The following ARID1B variants were observed in gnomAD, a reference collection of about 807,000 sequenced individuals.
ARID1B encodes AT-rich interactive domain-containing protein 1B.
A neutral mutation model predicts 212.3 loss-of-function variants in ARID1B; 30 were observed. The ratio of observed to expected loss-of-function variants is 0.14; its 90% confidence interval spans 0.11 to 0.19. The LOEUF (loss-of-function observed/expected upper bound fraction) is 0.19, where lower values mean the gene tolerates loss of function less well. ARID1B is among the 10% of genes least tolerant of loss of function. ARID1B has a pLI of 1.00. For missense variants in ARID1B, 2,891 were observed against 3,204.0 expected, an observed-to-expected ratio of 0.90 and a Z score of 2.36; for synonymous variants, 1,402 against 1,301.7, an observed-to-expected ratio of 1.08 and a Z score of -1.66.
chr6:157,040,852 C>G (rs1231875409), intron 4 of ARID1B, among the ~76,000 whole-genome samples: 1 of 152,218 alleles, frequency 6.6e-6, no homozygotes, highest in Non-Finnish European at 1.5e-5. Flanking sequence ...ATTTGAAATG[C>G]TGAAGCTGTT....
At chr6:157,199,643 T>C (rs1199175455) in intron 17 of ARID1B, among the ~76,000 whole-genome samples, 1 of 151,264 alleles carries the variant, frequency 6.6e-6, no homozygotes, top group Non-Finnish European at 1.5e-5. Context: ...ATTTATTTAA[T>C]TTTGCTGGAG....
intron 3 of ARID1B, among the ~76,000 whole-genome samples, chr6:156,907,977 C>T (rs1789547239): frequency 6.7e-6 from 1 of 148,970 alleles, no homozygotes; most frequent in South Asian, 2.1e-4. Context: ...GTGTTGTTAT[C>T]TGTTCTCTGA....
chr6:157,017,947 T>G (rs1201923770), intron 4 of ARID1B, among the ~76,000 whole-genome samples: 5 of 125,890 alleles, frequency 4.0e-5, no homozygotes, highest in Admixed American at 1.9e-4. Context: ...CTGGGCAACA[T>G]GAGACACCAT....
chr6:157,201,407 G>A lies in ARID1B; in HGVS notation c.5182G>A (p.Glu1728Lys), dbSNP rs976192470. 1.9e-6 allele frequency: 3 copies of A among 1,583,906 alleles called. No homozygotes were observed. Among genetic ancestry groups the A allele is most frequent in the Non-Finnish European group, 2.6e-6 (3 of 1,161,794 alleles). ...ACCCCAACCACCCCCAATCAGAAGG[G>A]AGATCACCTTTCCTCCTGGCTCAGT... ...PPPQPPPIRR[E>K]ITFPPGSVEA... The change falls in exon 18 of 20, where the codon GAG (glutamate) becomes AAG (lysine). Residue 1728 changes from glutamate (E) to lysine (K), a missense_variant. Glu to Lys is a moderately conservative substitution (Grantham distance 56). Coordinates refer to ENST00000636930, the MANE Select transcript of ARID1B (RefSeq NM_001374828.1). The surrounding 1 kb of genome is among the most constrained non-coding windows in gnomAD (Gnocchi z 5.2).
chr6:157,188,072 T>C (rs1793105660), intron 13 of ARID1B, among the ~76,000 whole-genome samples: 1 of 152,190 alleles, frequency 6.6e-6, no homozygotes, highest in African/African-American at 2.4e-5. Flanking sequence ...TTTGTAAGTA[T>C]GAGTGAATAC....
At chr6:157,066,429 C>A (rs1783680246) in intron 4 of ARID1B, among the ~76,000 whole-genome samples, 1 of 152,166 alleles carries the variant, frequency 6.6e-6, no homozygotes, top group African/African-American at 2.4e-5. Context: ...GGTCTCCTGA[C>A]AATTAAATAT....
intron 8 of ARID1B, among the ~76,000 whole-genome samples, chr6:157,155,342 A>G (rs1336360528): frequency 6.6e-6 from 1 of 152,178 alleles, no homozygotes; most frequent in Non-Finnish European, 1.5e-5. Flanking sequence ...GTGGGAAGGT[A>G]GTGATATTGA....
intron 4 of ARID1B, among the ~76,000 whole-genome samples, chr6:156,988,836 C>G (rs898363309): frequency 2.6e-5 from 4 of 152,196 alleles, no homozygotes; most frequent in African/African-American, 9.7e-5. Flanking sequence ...TCTCAACTGA[C>G]CAGTTCCTTA....
intron 1 of ARID1B, among the ~76,000 whole-genome samples, chr6:156,817,403 A>G (rs539304509): frequency 6.6e-6 from 1 of 152,222 alleles, no homozygotes; most frequent in East Asian, 1.9e-4. Context: ...TGGGAGGCTG[A>G]GGCAGGAGGA....
At chr6:157,045,989 T>C (rs1782211395) in intron 4 of ARID1B, among the ~76,000 whole-genome samples, 2 of 152,218 alleles carry the variant, frequency 1.3e-5, no homozygotes, top group African/African-American at 4.8e-5. Context: ...GGAATCCATA[T>C]TGAGCTCTTC....
At chr6:157,096,724 C>G (rs541533270) in intron 5 of ARID1B, among the ~76,000 whole-genome samples, 28 of 152,178 alleles carry the variant, frequency 1.8e-4, no homozygotes, top group African/African-American at 6.0e-4. Context: ...CACTGCCACC[C>G]GCCTGGACCT....
intron 1 of ARID1B, among the ~76,000 whole-genome samples, chr6:156,790,604 A>G (rs1779944701): frequency 6.6e-6 from 1 of 152,204 alleles, no homozygotes; most frequent in African/African-American, 2.4e-5. Flanking sequence ...ACTGTTGGAA[A>G]ATTTTAAAAA....
rs1361015346 is a variant in ARID1B, at chr6:157,148,808, T to TATG, written c.2948_2950dup (p.Met983dup). The TATG allele has an allele frequency of 6.2e-7, 1 of 1,612,936 alleles. No individual in the cohort carries two copies. The highest frequency in any genetic ancestry group is 1.1e-5 in the South Asian group (1 of 91,090). Reference sequence around the variant, plus strand: ...TGCAGAACAGACCATTTCCTGGAAATATGAGCAGCATGACCCCCAGTTCTC... The same window carrying TATG: ...TGCAGAACAGACCATTTCCTGGAAATATGATGAGCAGCATGACCCCCAGTTCTC... On this transcript the variant is annotated inframe_insertion, in exon 8 of 20. Transcript: ENST00000636930. The surrounding 1 kb of genome is among the most constrained non-coding windows in gnomAD (Gnocchi z 5.6).
chr6:157,074,265 C>T (rs1475238327), intron 4 of ARID1B, among the ~76,000 whole-genome samples: 1 of 152,132 alleles, frequency 6.6e-6, no homozygotes, highest in African/African-American at 2.4e-5. Flanking sequence ...CACTCTGTCA[C>T]CCAGGCTGGA....
At chr6:156,973,992 G>A (rs1777086137) in intron 4 of ARID1B, among the ~76,000 whole-genome samples, 2 of 152,280 alleles carry the variant, frequency 1.3e-5, no homozygotes, top group Admixed American at 6.5e-5. Flanking sequence ...TAATTTAGGT[G>A]TGATTTCCCA....
At chr6:156,966,167 T>C (rs369818853) in intron 4 of ARID1B, among the ~76,000 whole-genome samples, 1 of 152,198 alleles carries the variant, frequency 6.6e-6, no homozygotes, top group South Asian at 2.1e-4. Flanking sequence ...AAATTCTGAT[T>C]AACCATTTCT....
At chr6:156,900,776 G>C (rs552961594) in intron 2 of ARID1B, among the ~76,000 whole-genome samples, 2 of 152,222 alleles carry the variant, frequency 1.3e-5, no homozygotes, top group South Asian at 4.2e-4. Context: ...TATACCTCTG[G>C]TATTTGCACT....
intron 2 of ARID1B, among the ~76,000 whole-genome samples, chr6:156,844,055 T>G (rs1260842344): frequency 6.6e-6 from 1 of 152,192 alleles, no homozygotes; most frequent in Non-Finnish European, 1.5e-5. Context: ...TTCAATTAGA[T>G]TGTAAAGGGG....
chr6:157,006,477 A>C (rs974315058), intron 4 of ARID1B, among the ~76,000 whole-genome samples: 7 of 152,260 alleles, frequency 4.6e-5, no homozygotes, highest in Non-Finnish European at 1.0e-4. Context: ...ATGTCATTAG[A>C]GAGCAGTACC....
Sources: gnomAD v4.1 joint callset for allele counts (sites outside exome capture counted in the v4.1 genomes callset) on GRCh38, gnomAD v4.1.1 for gene constraint, Gnocchi (gnomAD v3.1) non-coding constraint, MANE v1.5 for transcripts, NCBI Gene and HGNC (gene_info 2026-07-23, HGNC 2026-07-21) for gene names.